CREB5: variants seen among roughly 807,000 people sequenced by gnomAD.
CREB5 encodes cyclic AMP-responsive element-binding protein 5.
In CREB5, 19 loss-of-function variants were observed where a neutral mutation model predicts 57.1. The ratio of observed to expected loss-of-function variants is 0.33; its 90% CI spans 0.23 to 0.49. CREB5 has a LOEUF of 0.49. Among genes scored for constraint, CREB5 ranks in the 20% least tolerant of loss-of-function variants. CREB5 has a pLI of 0.99. For synonymous variants in CREB5, 238 were observed against 238.3 expected (o/e 1.00, Z 0.01); for missense variants, 579 against 671.6 (o/e 0.86, Z 1.52).
At chr7:28,641,551 T>G (rs572102648) in intron 5 of CREB5, among the ~76,000 whole-genome samples, 1 of 152,168 alleles carries the variant, frequency 6.6e-6, no homozygotes, top group Non-Finnish European at 1.5e-5. Flanking sequence ...CGTACCCTCC[T>G]TCGGGCATGG....
intron 1 of CREB5, among the ~76,000 whole-genome samples, chr7:28,414,645 A>G (rs1787957425): frequency 6.6e-6 from 1 of 152,226 alleles, no homozygotes; most frequent in African/African-American, 2.4e-5. Flanking sequence ...CTGGCACTTT[A>G]AAAATGACAT....
chr7:28,564,117 G>A (rs1266885759), intron 4 of CREB5, among the ~76,000 whole-genome samples: 1 of 152,228 alleles, frequency 6.6e-6, no homozygotes, highest in Non-Finnish European at 1.5e-5. Flanking sequence ...TCTTTTGGAT[G>A]CAGTTCAGGG....
chr7:28,617,983 G>A (rs1797655409), intron 5 of CREB5, among the ~76,000 whole-genome samples: 1 of 152,108 alleles, frequency 6.6e-6, no homozygotes, highest in Non-Finnish European at 1.5e-5. Context: ...ATTATGAAAT[G>A]AGGCAAACTT....
At chr7:28,755,075 T>G (rs1190996157) in intron 7 of CREB5, among the ~76,000 whole-genome samples, 1 of 152,122 alleles carries the variant, frequency 6.6e-6, no homozygotes, top group Non-Finnish European at 1.5e-5. Context: ...GTATCAGTAC[T>G]GGGGATAAAT....
intron 5 of CREB5, among the ~76,000 whole-genome samples, chr7:28,718,161 G>T (rs1476171307): frequency 6.6e-6 from 1 of 152,226 alleles, no homozygotes; most frequent in African/African-American, 2.4e-5. Context: ...CTCCGGACTT[G>T]CTCTGAGAAA....
intron 4 of CREB5, among the ~76,000 whole-genome samples, chr7:28,568,048 G>A (rs956354756): frequency 6.6e-6 from 1 of 152,170 alleles, no homozygotes. Context: ...GTGCATGAAG[G>A]AGAACATTGT....
At chr7:28,770,063 G>A (rs1018798681) in intron 7 of CREB5, among the ~76,000 whole-genome samples, 3 of 152,210 alleles carry the variant, frequency 2.0e-5, no homozygotes, top group Non-Finnish European at 4.4e-5. Context: ...AGTGGAGCAG[G>A]CCCCTACAAC....
chr7:28,608,470 CT>C (rs1424025801), intron 5 of CREB5, among the ~76,000 whole-genome samples: 1 of 152,030 alleles, frequency 6.6e-6, no homozygotes, highest in Non-Finnish European at 1.5e-5. Context: ...GTTAATGAGC[CT>C]GTGGTCAGAG....
chr7:28,704,264 T>C (rs1453331397), intron 5 of CREB5, among the ~76,000 whole-genome samples: 2 of 152,184 alleles, frequency 1.3e-5, no homozygotes, highest in Non-Finnish European at 2.9e-5. Context: ...AATGACCTCC[T>C]CGCCTACCTG....
At chr7:28,718,665 G>T in intron 5 of CREB5, 88 bp from the exon 6 acceptor site, 3 of 1,551,416 alleles carry the variant, frequency 1.9e-6, no homozygotes, top group South Asian at 2.3e-5. Flanking sequence ...CTGCACATGT[G>T]ACATTGTTGT....
At chr7:28,467,436 T>G (rs920998923) in intron 1 of CREB5, among the ~76,000 whole-genome samples, 2 of 152,198 alleles carry the variant, frequency 1.3e-5, no homozygotes, top group African/African-American at 4.8e-5. Flanking sequence ...GAAAAAGATG[T>G]AATACTTCAC....
intron 9 of CREB5, among the ~76,000 whole-genome samples, chr7:28,813,306 C>T (rs959783875): frequency 7.2e-5 from 11 of 152,142 alleles, no homozygotes; most frequent in Non-Finnish European, 1.3e-4. Flanking sequence ...CTAAATTCAT[C>T]GACTGCTGAT....
At chr7:28,339,122 G>A (rs1056290556) in intron 1 of CREB5, among the ~76,000 whole-genome samples, 17 of 151,936 alleles carry the variant, frequency 1.1e-4, no homozygotes, top group African/African-American at 3.9e-4. Flanking sequence ...TTTGTCCCTG[G>A]TGCCTTATTA....
intron 5 of CREB5, among the ~76,000 whole-genome samples, chr7:28,705,649 T>C (rs746321659): frequency 1.3e-4 from 20 of 152,204 alleles, no homozygotes; most frequent in Non-Finnish European, 2.8e-4. Context: ...TCTGAAATGA[T>C]ACCAAATTGC....
chr7:28,692,247 T>C lies in CREB5; in HGVS notation c.465-26506T>C, dbSNP rs141596758. On this transcript the variant is annotated intron_variant, in intron 5 of 10. Coordinates refer to ENST00000357727, the MANE Select transcript of CREB5 (RefSeq NM_182898.4). ...TGGCTTCTCCTTTCTGCTCCCTTTT[T>C]GTTTGGTTTTTTGGGATTCTGACCT... Among the ~76,000 whole-genome samples the C allele has an allele frequency of 2.2e-3, 333 of 152,044 alleles. 6 individuals are homozygous for C. The East Asian group carries it at 0.058, about 26-fold the overall frequency.
intron 7 of CREB5, among the ~76,000 whole-genome samples, chr7:28,750,030 A>C (rs1025409278): frequency 1.3e-5 from 2 of 152,228 alleles, no homozygotes; most frequent in East Asian, 3.8e-4. Context: ...CAATATATGT[A>C]AATGATAAAG....
intron 5 of CREB5, among the ~76,000 whole-genome samples, chr7:28,690,505 G>A (rs542477034): frequency 6.6e-6 from 1 of 152,252 alleles, no homozygotes; most frequent in Admixed American, 6.5e-5. Flanking sequence ...TGGCCTTTGG[G>A]GTTATAAAGT....
At chr7:28,818,999 C>G in intron 10 of CREB5, 117 bp from the exon 11 acceptor site, 1 of 1,211,112 alleles carries the variant, frequency 8.3e-7, no homozygotes. Context: ...ATGTGTGAAA[C>G]TTCTATTTCA....
At chr7:28,452,056 A>G (rs922938975) in intron 1 of CREB5, among the ~76,000 whole-genome samples, 1 of 152,066 alleles carries the variant, frequency 6.6e-6, no homozygotes, top group Non-Finnish European at 1.5e-5. Context: ...TTCATCATCT[A>G]TTGGTCTATT....
Sources: gnomAD v4.1 joint callset for allele counts (sites outside exome capture counted in the v4.1 genomes callset) on GRCh38, gnomAD v4.1.1 for gene constraint, MANE v1.5 for transcripts, NCBI Gene and HGNC (gene_info 2026-07-23, HGNC 2026-07-21) for gene names.